The following NGEF variants were observed in gnomAD, a reference collection of about 807,000 sequenced individuals.
NGEF encodes the protein neuronal guanine nucleotide exchange factor.
Under a neutral mutation model 80.9 loss-of-function variants are expected in NGEF, and 31 were observed. That is an observed-to-expected ratio of 0.38 (90% CI 0.29 to 0.52). The LOEUF is 0.52. Among genes scored for constraint, NGEF ranks in the 20% least tolerant of loss-of-function variants. The probability of loss-of-function intolerance (pLI) is 0.84; values close to 1 mark genes in which losing one functional copy is unlikely to be tolerated. For synonymous variants in NGEF, 371 were observed against 370.2 expected, an observed-to-expected ratio of 1.00 and a Z score of -0.03; for missense variants, 709 against 926.2, an observed-to-expected ratio of 0.77 and a Z score of 3.04.
intron 9 of NGEF, 111 bp from the exon 10 acceptor site, chr2:232,885,480 G>A: frequency 1.2e-6 from 1 of 846,496 alleles, no homozygotes; most frequent in Non-Finnish European, 1.9e-6. Context: ...ACCAGACACT[G>A]TGCCCACAGC....
chr2:232,961,554 G>A (rs548941598), intron 3 of NGEF, among the ~76,000 whole-genome samples: 10 of 152,038 alleles, frequency 6.6e-5, no homozygotes, highest in African/African-American at 1.7e-4. Flanking sequence ...GTGCAGTGGC[G>A]CGATCTCTGC....
At chr2:232,901,909 T>C (rs973172669) in intron 5 of NGEF, among the ~76,000 whole-genome samples, 4 of 152,254 alleles carry the variant, frequency 2.6e-5, no homozygotes, top group African/African-American at 9.6e-5. Flanking sequence ...TCCAGTATGC[T>C]GCTGGGAGCT....
At chr2:232,984,951 G>A (rs1480596633) in intron 1 of NGEF, among the ~76,000 whole-genome samples, 2 of 152,148 alleles carry the variant, frequency 1.3e-5, no homozygotes, top group East Asian at 1.9e-4. Context: ...CGAAAAGCAG[G>A]CAAATTAGGA....
intron 1 of NGEF, among the ~76,000 whole-genome samples, chr2:232,978,273 A>G (rs982994755): frequency 6.6e-6 from 1 of 151,986 alleles, no homozygotes; most frequent in Non-Finnish European, 1.5e-5. Flanking sequence ...TAATCCCAGC[A>G]CAGGCTGAGG....
chr2:232,981,762 C>T (rs1343827069), intron 1 of NGEF, among the ~76,000 whole-genome samples: 1 of 152,210 alleles, frequency 6.6e-6, no homozygotes. Context: ...AATAATAAAA[C>T]TCCCATCTCC....
chr2:232,999,409 C>A (rs370920803), intron 1 of NGEF, among the ~76,000 whole-genome samples: 2 of 152,160 alleles, frequency 1.3e-5, no homozygotes, highest in Non-Finnish European at 2.9e-5. Flanking sequence ...TGCATTGTGT[C>A]GGGGACTGGT....
Position 232,892,497 on chromosome 2 carries a change from C to T in NGEF, c.1142+401G>A, listed in dbSNP as rs1691915018. Among the ~76,000 whole-genome samples, 2 of 152,194 alleles carry T rather than the reference C, an allele frequency of 1.3e-5. No individual in the cohort carries two copies. Among genetic ancestry groups the T allele is most frequent in the African/African-American group, 4.8e-5 (2 of 41,464 alleles). On this transcript the variant is annotated intron_variant, in intron 7 of 14. Transcript: ENST00000264051. This position sits in a 1 kb window ranked among gnomAD's most constrained non-coding sequence, Gnocchi z 4.0. ...CGCTGCTGGAGGAGCCCCACCGAGG[C>T]TCCTTCCCATCCTGTCCCTGCCCTT...
At chr2:232,889,647 T>C (rs1691812235) in intron 8 of NGEF, among the ~76,000 whole-genome samples, 1 of 152,230 alleles carries the variant, frequency 6.6e-6, no homozygotes, top group African/African-American at 2.4e-5. Context: ...TAAAAAAATA[T>C]TTCCCACGGA....
rs960976804 is a variant in NGEF at position 232,884,280 on chromosome 2, G to T, written c.1438-136C>A. ...ACATGAGGCACAAGTTGGGGGGAAA[G>T]GCCGAGTTCTGGACGGATGCAGAGA... On this transcript the variant is annotated intron_variant, in intron 10 of 14. Coordinates refer to ENST00000264051, the MANE Select transcript of NGEF (RefSeq NM_019850.3). The T allele has an allele frequency of 1.3e-5, 13 of 991,886 alleles. No homozygotes were observed. In the East Asian group the frequency reaches 3.2e-4, roughly 24 times the overall value. 61.4% of individuals were successfully genotyped at this position (991,886 alleles called of 1,614,324 possible).
chr2:232,908,921 T>C (rs1348290412), intron 5 of NGEF, among the ~76,000 whole-genome samples: 3 of 152,232 alleles, frequency 2.0e-5, no homozygotes, highest in Non-Finnish European at 4.4e-5. Flanking sequence ...AATTTTTGCA[T>C]GTTTATCTTA....
intron 3 of NGEF, among the ~76,000 whole-genome samples, chr2:232,960,224 A>G (rs1693918125): frequency 6.6e-6 from 1 of 152,268 alleles, no homozygotes; most frequent in African/African-American, 2.4e-5. Flanking sequence ...ATAAAAGCAC[A>G]TATTAAGGTT....
At chr2:232,992,502 G>A (rs1000944044) in intron 1 of NGEF, among the ~76,000 whole-genome samples, 11 of 152,126 alleles carry the variant, frequency 7.2e-5, no homozygotes, top group African/African-American at 2.7e-4. Context: ...AGGTTACAGT[G>A]ACCTGAGATT....
At position 232,879,425 on chromosome 2, in the gene NGEF, C is replaced by CG. The variant is rs1012688238; in HGVS notation, c.*63_*64insC. On this transcript the variant is annotated 3_prime_UTR_variant, in exon 15 of 15. Transcript: ENST00000264051. Reference sequence around the variant, plus strand: ...GCTGGCCTGTGCTTCCCAGAGCCCCCCCCCCCCCACCTTCTGTCGGGGTCT... The same window carrying CG: ...GCTGGCCTGTGCTTCCCAGAGCCCCCGCCCCCCCCACCTTCTGTCGGGGTCT... 2.2e-5 allele frequency: 31 copies of CG among 1,424,134 alleles called. No homozygotes were observed. The South Asian group carries it at 3.6e-4, about 17-fold the overall frequency. The allele number at this position is 1,424,134 out of a possible 1,614,324, so 88.2% of individuals were successfully genotyped here. A position where few individuals can be genotyped will look rare whatever the true frequency, so the allele number is the denominator to read the frequency against.
At chr2:232,920,767 G>A (rs908182446) in intron 4 of NGEF, among the ~76,000 whole-genome samples, 182 bp from the exon 5 acceptor site, 9 of 152,048 alleles carry the variant, frequency 5.9e-5, no homozygotes, top group Non-Finnish European at 1.0e-4. Flanking sequence ...CACTGCCATC[G>A]TCCTCATTTC....
chr2:232,984,290 G>T (rs547463398), intron 1 of NGEF, among the ~76,000 whole-genome samples: 4 of 147,148 alleles, frequency 2.7e-5, no homozygotes, highest in Admixed American at 6.8e-5. Context: ...TGGATGTCTT[G>T]TTATGTTACC....
chr2:232,908,644 C>T (rs1692629302), intron 5 of NGEF, among the ~76,000 whole-genome samples: 1 of 152,010 alleles, frequency 6.6e-6, no homozygotes, highest in Admixed American at 6.6e-5. Context: ...GCTAAAACCA[C>T]TCCTCCTACC....
Position 232,879,086 on chromosome 2 carries a change from C to T in NGEF, c.*403G>A, listed in dbSNP as rs532035746. 1.5e-4 allele frequency: 24 copies of T among 164,226 alleles called. No individual in the cohort carries two copies. The highest frequency in any genetic ancestry group is 2.1e-4 in the Non-Finnish European group (16 of 75,696). The allele number at this position is 164,226 out of a possible 1,614,324, so 10.2% of individuals were successfully genotyped here. On this transcript the variant is annotated 3_prime_UTR_variant, in exon 15 of 15. Coordinates refer to ENST00000264051, the MANE Select transcript of NGEF (RefSeq NM_019850.3). ...ACTGCTTCCAAGGTAGAGGAGGACG[C>T]GTGCAGGAAATCGTGTCAATTGTCA...
At chr2:232,902,848 G>A (rs1692393746) in intron 5 of NGEF, among the ~76,000 whole-genome samples, 1 of 152,176 alleles carries the variant, frequency 6.6e-6, no homozygotes, top group Non-Finnish European at 1.5e-5. Flanking sequence ...CAAAAGATTA[G>A]CCAGGCATGG....
At chr2:232,993,001 A>G (rs1694680853) in intron 1 of NGEF, among the ~76,000 whole-genome samples, 1 of 125,652 alleles carries the variant, frequency 8.0e-6, no homozygotes. Flanking sequence ...ATATATATAT[A>G]TATACACACA....
Sources: gnomAD v4.1 joint callset for allele counts (sites outside exome capture counted in the v4.1 genomes callset) on GRCh38, gnomAD v4.1.1 for gene constraint, Gnocchi (gnomAD v3.1) non-coding constraint, MANE v1.5 for transcripts, NCBI Gene and HGNC (gene_info 2026-07-23, HGNC 2026-07-21) for gene names.